Variants in MYO10 observed in about 807,000 individuals in gnomAD.
MYO10 encodes the protein unconventional myosin-X.
Under a neutral mutation model 257.3 loss-of-function variants are expected in MYO10, and 133 were observed. The ratio of observed to expected loss-of-function variants is 0.52; its 90% CI spans 0.45 to 0.60. The LOEUF is 0.60. Ranked by LOEUF, MYO10 falls within the 20% of genes least tolerant of loss-of-function variation. The pLI, the probability that MYO10 is intolerant of heterozygous loss-of-function variation, is 0.00. For synonymous variants in MYO10, 1,104 were observed against 1,028.6 expected, an observed-to-expected ratio of 1.07 and a Z score of -1.40; for missense variants, 2,399 against 2,635.7, an observed-to-expected ratio of 0.91 and a Z score of 1.97.
intron 6 of MYO10, 124 bp downstream of exon 6, chr5:16,781,577 ACTGT>A (rs1277409291): frequency 1.0e-6 from 1 of 970,172 alleles, no homozygotes; most frequent in Non-Finnish European, 1.5e-6. Flanking sequence ...GCAATAACTA[ACTGT>A]CTAATTCGTT....
At chr5:16,839,321 T>G (rs182928093) in intron 2 of MYO10, among the ~76,000 whole-genome samples, 1 of 152,150 alleles carries the variant, frequency 6.6e-6, no homozygotes, top group East Asian at 1.9e-4. Context: ...CCAACCCTCA[T>G]GTATGACATT....
intron 10 of MYO10, among the ~76,000 whole-genome samples, chr5:16,766,921 C>T (rs902212684): frequency 1.3e-5 from 2 of 151,680 alleles, no homozygotes; most frequent in African/African-American, 4.8e-5. Context: ...GACAGGGTTT[C>T]ACCATGTTGG....
At chr5:16,889,518 G>C (rs1003507481) in intron 1 of MYO10, among the ~76,000 whole-genome samples, 2 of 146,286 alleles carry the variant, frequency 1.4e-5, no homozygotes, top group African/African-American at 2.5e-5. Flanking sequence ...AAGGAAGGAA[G>C]GAAGGAAGGA....
At chr5:16,878,986 A>T (rs190912917) in intron 1 of MYO10, among the ~76,000 whole-genome samples, 59 of 144,252 alleles carry the variant, frequency 4.1e-4, no homozygotes, top group African/African-American at 9.3e-4. Context: ...AATGAAATTT[A>T]AAAAAAAAAA....
intron 1 of MYO10, among the ~76,000 whole-genome samples, chr5:16,904,785 C>T (rs1470457810): frequency 1.3e-5 from 2 of 152,082 alleles, no homozygotes; most frequent in Non-Finnish European, 1.5e-5. Context: ...AAAAATTAGC[C>T]GGGCGTGGTA....
At chr5:16,670,423 C>T in intron 39 of MYO10, 103 bp downstream of exon 39, 2 of 1,063,576 alleles carry the variant, frequency 1.9e-6, no homozygotes, top group South Asian at 1.7e-5. Flanking sequence ...GTTGAGAGAG[C>T]AAAATGCTCC....
intron 2 of MYO10, among the ~76,000 whole-genome samples, chr5:16,843,780 A>AT (rs1381527952): frequency 1.3e-5 from 2 of 152,172 alleles, no homozygotes; most frequent in Non-Finnish European, 2.9e-5. Flanking sequence ...TTTTGAAGGA[A>AT]TGGAACAGGC....
At position 16,803,454 on chromosome 5, in the gene MYO10, C is replaced by T. The variant is rs554241650; in HGVS notation, c.280-8621G>A. 1.1e-4 allele frequency among the ~76,000 whole-genome samples: 16 copies of T among 152,234 alleles called. No homozygotes were observed. In the East Asian group the frequency reaches 3.1e-3, roughly 29 times the overall value. On this transcript the variant is annotated intron_variant, in intron 3 of 40. Coordinates refer to ENST00000513610, the MANE Select transcript of MYO10 (RefSeq NM_012334.3). ...AAAAAAAAAAGTTTCAGCATACACA[C>T]CTTCAAATTTGAACCCAAATTAAAT...
chr5:16,681,917 C>T lies in MYO10; in HGVS notation c.4143G>A (p.Arg1381=), dbSNP rs2288439. ...EMHHWITLLQ[R]SKGDTRVEGQ... is the part of the protein sequence containing the mutation. ...CCTCCACTCTGGTGTCCCCTTTGGA[C>T]CTCTGCAGCAGGGTTATCCAGTGGT... The change falls in exon 31 of 41, where the codon AGG becomes AGA. Residue 1381 remains arginine (R), a synonymous_variant. Coordinates refer to ENST00000513610, the MANE Select transcript of MYO10 (RefSeq NM_012334.3). The T allele has an allele frequency of 4.0e-3, 6,466 of 1,613,972 alleles. 229 individuals are homozygous for T. In the Admixed American group the frequency reaches 0.072, roughly 18 times the overall value.
At chr5:16,774,544 C>G (rs1037486149) in intron 9 of MYO10, among the ~76,000 whole-genome samples, 2 of 152,008 alleles carry the variant, frequency 1.3e-5, no homozygotes, top group African/African-American at 4.8e-5. Flanking sequence ...GCCTCAGGCT[C>G]CCGAGTAGCT....
At position 16,852,530 on chromosome 5, in the gene MYO10, G is replaced by A. The variant is rs538755392; in HGVS notation, c.120+25079C>T. On this transcript the variant is annotated intron_variant, in intron 2 of 40. Transcript: ENST00000513610. The stretch of plus-strand genomic sequence containing the variant: ...ACTAATCAAATTTCTTAACGGTTTT[G>A]TGAATTCCTGTCATGATTCCCTAAC... Among the ~76,000 whole-genome samples the A allele has an allele frequency of 2.6e-5, 4 of 151,606 alleles. No homozygotes were observed. The South Asian group carries it at 8.3e-4, about 32-fold the overall frequency.
chr5:16,787,546 G>A (rs1741621658), intron 4 of MYO10, among the ~76,000 whole-genome samples: 1 of 148,366 alleles, frequency 6.7e-6, no homozygotes, highest in South Asian at 2.1e-4. Context: ...ACAAACACAG[G>A]CTTTGGCAAA....
In MYO10 at chr5:16,738,210, G is replaced by A. The variant is rs7730335; in HGVS notation, c.1929+16618C>T. The A allele has an allele frequency of 7.3e-3, 7,216 of 985,312 alleles. 380 individuals carry two copies. The African/African-American group carries it at 0.11, about 16-fold the overall frequency. 61.0% of individuals were successfully genotyped at this position (985,312 alleles called of 1,614,324 possible). On this transcript the variant is annotated intron_variant, in intron 19 of 40. Coordinates refer to ENST00000513610, the MANE Select transcript of MYO10 (RefSeq NM_012334.3). ...GAGTGAGAAACTGGGGGCAGAACCC[G>A]AGGCCATGCCTACCTCCAGAGGAAC...
chr5:16,698,733 C>G (rs1421171416), intron 26 of MYO10, among the ~76,000 whole-genome samples: 1 of 145,548 alleles, frequency 6.9e-6, no homozygotes, highest in Non-Finnish European at 1.5e-5. Flanking sequence ...ACGCCATTCT[C>G]CTGCCTCAGC....
At chr5:16,752,497 G>A (rs1740404992) in intron 19 of MYO10, among the ~76,000 whole-genome samples, 1 of 152,084 alleles carries the variant, frequency 6.6e-6, no homozygotes, top group South Asian at 2.1e-4. Context: ...TGGCCAGGCT[G>A]GTTTCGAATT....
At chr5:16,679,886 G>C in intron 33 of MYO10, 61 bp downstream of exon 33, 1 of 1,567,098 alleles carries the variant, frequency 6.4e-7, no homozygotes, top group South Asian at 1.2e-5. Context: ...AGGTCTTGGT[G>C]CTCTAAGGGT....
rs1579774760 is a variant in MYO10, at chr5:16,666,378, T to G, written c.*314A>C. ...GTAGCACAGTTACGGTCGATTAGTG[T>G]TGGTTCCACAAGTTAAGGCACTTCC... is the stretch of plus-strand genomic sequence containing the variant. On this transcript the variant is annotated 3_prime_UTR_variant, in exon 41 of 41. Transcript: ENST00000513610. The G allele has an allele frequency of 3.4e-6, 1 of 291,932 alleles. No individual in the cohort carries two copies. The allele number at this position is 291,932 out of a possible 1,614,324, so 18.1% of individuals were successfully genotyped here.
intron 1 of MYO10, among the ~76,000 whole-genome samples, chr5:16,921,121 A>G (rs1439274714): frequency 7.6e-6 from 1 of 131,518 alleles, no homozygotes; most frequent in Non-Finnish European, 1.6e-5. Flanking sequence ...CCATCTCAAA[A>G]AATAACATAA....
At chr5:16,789,744 C>T (rs549692440) in intron 4 of MYO10, among the ~76,000 whole-genome samples, 53 of 152,220 alleles carry the variant, frequency 3.5e-4, no homozygotes, top group African/African-American at 1.1e-3. Flanking sequence ...ATTGTGCCAC[C>T]GCACTCCAGC....
Sources: gnomAD v4.1 joint callset for allele counts (sites outside exome capture counted in the v4.1 genomes callset) on GRCh38, gnomAD v4.1.1 for gene constraint, MANE v1.5 for transcripts, NCBI Gene and HGNC (gene_info 2026-07-23, HGNC 2026-07-21) for gene names.